Variants in AKR1D1 observed in about 807,000 individuals in gnomAD.
AKR1D1 encodes the protein aldo-keto reductase family 1 member D1.
Under a neutral mutation model 42.6 loss-of-function variants are expected in AKR1D1, and 32 were observed. The ratio of observed to expected loss-of-function variants is 0.75; its 90% CI spans 0.57 to 1.01. The LOEUF is 1.01. Ranked by LOEUF, AKR1D1 falls within the 50% of genes least tolerant of loss-of-function variation. The pLI, the probability that AKR1D1 is intolerant of heterozygous loss-of-function variation, is 0.00. For synonymous variants in AKR1D1, 123 were observed against 135.5 expected (o/e 0.91, Z 0.64); for missense variants, 364 against 402.2 (o/e 0.91, Z 0.81).
rs551154488 is a variant in AKR1D1 at position 138,093,653 on chromosome 7, G to A, written c.378+1769G>A. Among the ~76,000 whole-genome samples, 144 of 152,022 alleles carry A rather than the reference G, an allele frequency of 9.5e-4. 1 individual carries two copies. The South Asian group carries it at 0.018, about 19-fold the overall frequency. ...ATCCCTCCTGAAAGACCTGCCTGGC[G>A]TTTTTTTACACTTAACATTTTTTAA... is the stretch of plus-strand genomic sequence containing the variant. On this transcript the variant is annotated intron_variant, in intron 3 of 8. Transcript: ENST00000242375.
In AKR1D1 at chr7:138,116,602, G is replaced by A. The variant is rs1459112847; in HGVS notation, c.939-18G>A. 1.5e-5 allele frequency: 24 copies of A among 1,613,996 alleles called. No individual in the cohort carries two copies. Among genetic ancestry groups the A allele is most frequent in the Non-Finnish European group, 2.0e-5 (24 of 1,180,022 alleles). ...ATTTTTGAGTGAACTTTTTTCTGTG[G>A]GGGAATTGTTTTGGCAGGTGGCGCG... On this transcript the variant is annotated intron_variant, in intron 8 of 8. Coordinates refer to ENST00000242375, the MANE Select transcript of AKR1D1 (RefSeq NM_005989.4).
chr7:138,105,062 G>T (rs1050668865), intron 4 of AKR1D1, among the ~76,000 whole-genome samples: 1 of 152,074 alleles, frequency 6.6e-6, no homozygotes, highest in African/African-American at 2.4e-5. Context: ...CCCTACCTGG[G>T]ATCACTAAAG....
intron 1 of AKR1D1, among the ~76,000 whole-genome samples, chr7:138,084,670 T>TCTTATTAAAG (rs1355501813): frequency 3.3e-5 from 5 of 152,200 alleles, no homozygotes; most frequent in Non-Finnish European, 7.3e-5. Flanking sequence ...ATTTATGTGG[T>TCTTATTAAAG]ATCCTATTTG....
intron 7 of AKR1D1, among the ~76,000 whole-genome samples, chr7:138,109,766 G>A (rs1215490920): frequency 6.6e-6 from 1 of 152,208 alleles, no homozygotes; most frequent in East Asian, 1.9e-4. Context: ...CATTACTAAT[G>A]TGTAGGCTCA....
chr7:138,085,054 CAAAAAAA>C (rs58253168), intron 1 of AKR1D1, among the ~76,000 whole-genome samples: 24 of 70,824 alleles, frequency 3.4e-4, no homozygotes, highest in Non-Finnish European at 5.3e-4. Flanking sequence ...GACTCCGTCT[CAAAAAAA>C]AAAAAAAAAA....
chr7:138,079,265 T>C (rs1803004707), intron 1 of AKR1D1, among the ~76,000 whole-genome samples: 1 of 152,180 alleles, frequency 6.6e-6, no homozygotes. Context: ...GGTTTTAAGC[T>C]GAGGACAGGG....
At chr7:138,083,711 T>C (rs1452828345) in intron 1 of AKR1D1, among the ~76,000 whole-genome samples, 1 of 152,180 alleles carries the variant, frequency 6.6e-6, no homozygotes, top group Non-Finnish European at 1.5e-5. Context: ...CTAGGAGCTT[T>C]ACAGTTTCTG....
rs144326104 is a variant in AKR1D1 at position 138,088,793 on chromosome 7, C to G, written c.261+25C>G. 3,280 of 1,572,664 alleles carry G rather than the reference C, an allele frequency of 2.1e-3. 19 individuals are homozygous for G. The highest frequency in any genetic ancestry group is 2.0e-3 in the Admixed American group (107 of 53,838). ...GGTGAGATCTTGCCTTCAGCCTCCA[C>G]TGGGGACAGTGAGAAGGTTTCAGTT... On this transcript the variant is annotated intron_variant, in intron 2 of 8. Coordinates refer to ENST00000242375, the MANE Select transcript of AKR1D1 (RefSeq NM_005989.4).
chr7:138,097,847 C>CTTT lies in AKR1D1; in HGVS notation c.379-6_379-4dup. 6 of 1,264,408 alleles carry CTTT rather than the reference C, an allele frequency of 4.7e-6. No homozygotes were observed. The highest frequency in any genetic ancestry group is 6.6e-6 in the Non-Finnish European group (6 of 902,304). 78.3% of individuals were successfully genotyped at this position (1,264,408 alleles called of 1,614,324 possible). ...ATAAATAAAATGAATTACATTTATT[C>CTTT]TTTTTTTTTTTTTTTCAGCCAGGAG... On this transcript the variant is annotated intron_variant, in intron 3 of 8. Transcript: ENST00000242375.
intron 7 of AKR1D1, among the ~76,000 whole-genome samples, chr7:138,108,807 C>T (rs1794482075): frequency 6.6e-6 from 1 of 152,126 alleles, no homozygotes; most frequent in South Asian, 2.1e-4. Context: ...ATCTTATGTG[C>T]TCTTACCACA....
intron 1 of AKR1D1, among the ~76,000 whole-genome samples, chr7:138,079,597 T>C (rs2117410133): frequency 6.6e-6 from 1 of 152,356 alleles, no homozygotes; most frequent in East Asian, 1.9e-4. Context: ...TTTTGGAGAA[T>C]GCTGTAAAGT....
At chr7:138,104,013 G>T (rs898180386) in intron 4 of AKR1D1, among the ~76,000 whole-genome samples, 1 of 152,054 alleles carries the variant, frequency 6.6e-6, no homozygotes, top group Non-Finnish European at 1.5e-5. Context: ...GGTTGCAGAT[G>T]CTTGTAGTCC....
chr7:138,091,461 T>A, intron 2 of AKR1D1: 1 of 343,122 alleles, frequency 2.9e-6, no homozygotes, highest in Non-Finnish European at 5.7e-6. Flanking sequence ...GTGTCAAGAG[T>A]TTTATCAGCT....
rs73729405 is a variant in AKR1D1, at chr7:138,092,525, G to A, written c.378+641G>A. On this transcript the variant is annotated intron_variant, in intron 3 of 8. Transcript: ENST00000242375. ...CATATAGAGTGTACTTACACAAACC[G>A]AGGTGGTAAGGTTTTATTTACCATG... Among the ~76,000 whole-genome samples, 1,472 of 152,274 alleles carry A rather than the reference G, an allele frequency of 9.7e-3. 31 individuals carry two copies. The highest frequency in any genetic ancestry group is 0.034 in the African/African-American group (1,394 of 41,550).
At chr7:138,076,853 C>A (rs1476422087) in intron 1 of AKR1D1, among the ~76,000 whole-genome samples, 1 of 152,046 alleles carries the variant, frequency 6.6e-6, no homozygotes, top group Admixed American at 6.6e-5. Context: ...TTTCTGCTTC[C>A]TTTACTGAAA....
Position 138,114,191 on chromosome 7 carries a change from A to G in AKR1D1, c.938+419A>G, listed in dbSNP as rs1203075785. Among the ~76,000 whole-genome samples the G allele has an allele frequency of 2.6e-5, 4 of 152,324 alleles. No homozygotes were observed. In the South Asian group the frequency reaches 6.2e-4, roughly 24 times the overall value. ...GGGAGAGGCATGATGATGTTGTAGA[A>G]AGAGCACTAGATTGAAACCAAGAAC... is the stretch of plus-strand genomic sequence containing the variant. On this transcript the variant is annotated intron_variant, in intron 8 of 8. Coordinates refer to ENST00000242375, the MANE Select transcript of AKR1D1 (RefSeq NM_005989.4).
chr7:138,106,749 G>C (rs773858110), intron 6 of AKR1D1, 32 bp downstream of exon 6: 1 of 1,519,446 alleles, frequency 6.6e-7, no homozygotes, highest in Non-Finnish European at 9.1e-7. Flanking sequence ...ATTTCCTTTG[G>C]TGTAGAGTGT....
chr7:138,097,979 TA>T (rs766168473), intron 4 of AKR1D1, 36 bp downstream of exon 4: 7 of 1,458,854 alleles, frequency 4.8e-6, no homozygotes, highest in Non-Finnish European at 6.7e-6. Context: ...TAAAAGACGA[TA>T]TTTTTAAAAC....
chr7:138,084,542 A>G (rs1233822586), intron 1 of AKR1D1, among the ~76,000 whole-genome samples: 1 of 151,936 alleles, frequency 6.6e-6, no homozygotes, highest in East Asian at 1.9e-4. Flanking sequence ...TAATTTTCTT[A>G]AGTAGAAGGA....
Sources: gnomAD v4.1 joint callset for allele counts (sites outside exome capture counted in the v4.1 genomes callset) on GRCh38, gnomAD v4.1.1 for gene constraint, MANE v1.5 for transcripts, NCBI Gene and HGNC (gene_info 2026-07-23, HGNC 2026-07-21) for gene names.